DNAH8: variants seen among roughly 807,000 people sequenced by gnomAD.
The protein encoded by DNAH8 is dynein axonemal heavy chain 8, also known as axonemal beta dynein heavy chain 8.
Under a neutral mutation model 562.1 loss-of-function variants are expected in DNAH8, and 382 were observed. The ratio of observed to expected loss-of-function variants is 0.68; its 90% CI spans 0.63 to 0.74. DNAH8 has a LOEUF of 0.74. Ranked by LOEUF, DNAH8 falls within the 30% of genes least tolerant of loss-of-function variation. DNAH8 has a pLI of 0.00. For synonymous variants in DNAH8, 1,881 were observed against 1,919.4 expected (o/e 0.98, Z 0.52); for missense variants, 5,203 against 5,620.4 (o/e 0.93, Z 2.37).
Position 38,938,112 on chromosome 6 carries a change from C to G in DNAH8, c.11702C>G (p.Ala3901Gly), listed in dbSNP as rs749482996. 1.2e-6 allele frequency: 2 copies of G among 1,614,046 alleles called. No individual in the cohort carries two copies. Among genetic ancestry groups the G allele is most frequent in the Admixed American group, 3.3e-5 (2 of 60,006 alleles). ...GCGGCTCAGGAGGAGTTCCGGCCCGCAGCCACCCGCGGAAGCATCCTCTAC... is the reference window on the plus strand; with the variant it reads ...GCGGCTCAGGAGGAGTTCCGGCCCGGAGCCACCCGCGGAAGCATCCTCTAC... Reference protein sequence around the residue: ...INAAQEEFRPAATRGSILYFL... With the variant: ...INAAQEEFRPGATRGSILYFL... Residue 3901 changes from alanine to glycine, a missense_variant, in exon 78 of 93, where the codon GCA becomes GGA. Ala to Gly is a moderately conservative substitution (Grantham distance 60). Around this residue, in one of 6 missense-constraint regions of DNAH8, gnomAD observed 1,399 missense variants for 1,518.4 expected, o/e 0.92. Transcript: ENST00000327475.
At chr6:38,722,069 G>A (rs887607062) in intron 1 of DNAH8, among the ~76,000 whole-genome samples, 5 of 152,076 alleles carry the variant, frequency 3.3e-5, no homozygotes, top group African/African-American at 1.2e-4. Context: ...TAATTTCCAT[G>A]GTTATGTGCT....
chr6:39,016,608 T>C lies in DNAH8; in HGVS notation c.13714+3971T>C, dbSNP rs117524569. Among the ~76,000 whole-genome samples the C allele has an allele frequency of 0.011, 1,684 of 151,896 alleles. 107 individuals are homozygous for C. The East Asian group carries it at 0.16, about 14-fold the overall frequency. On this transcript the variant is annotated intron_variant, in intron 91 of 92. Coordinates refer to ENST00000327475, the MANE Select transcript of DNAH8 (RefSeq NM_001206927.2). The stretch of plus-strand genomic sequence containing the variant: ...TTTAAGTAAAACACAGTGCAGTTTG[T>C]ATAAAGGCTGTAGTTTCATCACAAA...
chr6:38,978,821 C>T (rs780910798), intron 85 of DNAH8, among the ~76,000 whole-genome samples: 5 of 152,140 alleles, frequency 3.3e-5, no homozygotes, highest in Non-Finnish European at 5.9e-5. Flanking sequence ...TTCCATATTT[C>T]TCTAGTAGTT....
At chr6:38,947,066 T>C (rs1217512092) in intron 80 of DNAH8, among the ~76,000 whole-genome samples, 1 of 152,210 alleles carries the variant, frequency 6.6e-6, no homozygotes, top group Non-Finnish European at 1.5e-5. Context: ...GGCAGAGTTA[T>C]TGACCCTAAT....
intron 17 of DNAH8, among the ~76,000 whole-genome samples, chr6:38,786,513 A>T (rs1161439607): frequency 6.6e-6 from 1 of 152,222 alleles, no homozygotes; most frequent in Non-Finnish European, 1.5e-5. Flanking sequence ...TTCATAGCAC[A>T]AAGCACCATT....
chr6:38,831,923 C>T (rs926330560), intron 30 of DNAH8, among the ~76,000 whole-genome samples: 7 of 151,448 alleles, frequency 4.6e-5, no homozygotes, highest in Admixed American at 1.3e-4. Flanking sequence ...TTTTTAATAC[C>T]TAGAGTAATA....
chr6:38,959,020 A>T (rs544144171), intron 82 of DNAH8, among the ~76,000 whole-genome samples: 1 of 152,214 alleles, frequency 6.6e-6, no homozygotes. Flanking sequence ...AGAATGAAGG[A>T]CAAAAACCAT....
chr6:39,013,854 AAGAGAGAGAGAGAGAGAAAGAG>A (rs1182345321), intron 91 of DNAH8, among the ~76,000 whole-genome samples: 2 of 150,790 alleles, frequency 1.3e-5, no homozygotes, highest in African/African-American at 2.4e-5. Flanking sequence ...CTATCTAAAA[AAGAGAGAGAGAGAGAGAAAGAG>A]AGAGAGAGAG....
intron 64 of DNAH8, 37 bp from the exon 65 acceptor site, chr6:38,909,481 C>A: frequency 6.3e-7 from 1 of 1,596,036 alleles, no homozygotes; most frequent in Non-Finnish European, 8.6e-7. Flanking sequence ...TATAACCCCT[C>A]TGTGTTTCTA....
chr6:38,919,100 G>A (rs1174103400), intron 70 of DNAH8, among the ~76,000 whole-genome samples: 1 of 151,494 alleles, frequency 6.6e-6, no homozygotes, highest in Non-Finnish European at 1.5e-5. Flanking sequence ...AGAAAAAAAA[G>A]AAAACACACA....
chr6:38,998,529 C>T (rs997831489), intron 88 of DNAH8, among the ~76,000 whole-genome samples: 1 of 152,064 alleles, frequency 6.6e-6, no homozygotes, highest in Admixed American at 6.5e-5. Flanking sequence ...GAAATGTATT[C>T]CCTTGAGTAT....
intron 76 of DNAH8, 22 bp downstream of exon 76, chr6:38,932,015 A>G (rs753646474): frequency 6.7e-7 from 1 of 1,484,356 alleles, no homozygotes; most frequent in Non-Finnish European, 9.0e-7. Context: ...CTCAAGGTAA[A>G]GAATTTCTGC....
chr6:39,006,003 T>A (rs1433883324), intron 88 of DNAH8, among the ~76,000 whole-genome samples: 2 of 152,246 alleles, frequency 1.3e-5, no homozygotes, highest in African/African-American at 4.8e-5. Flanking sequence ...GCAGGTGGCC[T>A]CTAGTAGCTG....
chr6:38,882,995 AAATGTTGAC>A lies in DNAH8; in HGVS notation c.7948_7956del (p.Val2650_Asn2652del). ...CGGAATATTCATCAATTTTGGTTCC[AAATGTTGAC>A]AATATTAGAACAAATTTTTTGATAG... On this transcript the variant is annotated inframe_deletion, in exon 54 of 93. Transcript: ENST00000327475. 1 of 1,606,338 alleles carries A rather than the reference AAATGTTGAC, an allele frequency of 6.2e-7. No homozygotes were observed. The highest frequency in any genetic ancestry group is 8.5e-7 in the Non-Finnish European group (1 of 1,177,442).
chr6:38,851,218 C>A (rs1047001753), intron 38 of DNAH8, among the ~76,000 whole-genome samples: 1 of 152,118 alleles, frequency 6.6e-6, no homozygotes, highest in African/African-American at 2.4e-5. Context: ...GGTTAGTTGT[C>A]CTCCCTTTCA....
rs542515000 is a variant in DNAH8, at chr6:38,911,627, G to T, written c.9859+41G>T. On this transcript the variant is annotated intron_variant, in intron 66 of 92. Coordinates refer to ENST00000327475, the MANE Select transcript of DNAH8 (RefSeq NM_001206927.2). ...TGGAATGGGATGGAATAGAAATAGG[G>T]TTTATTTGATAGGGATCTCAATATT... 1.6e-5 allele frequency: 21 copies of T among 1,331,544 alleles called. No homozygotes were observed. In the Admixed American group the frequency reaches 2.6e-4, roughly 16 times the overall value. 82.5% of individuals were successfully genotyped at this position (1,331,544 alleles called of 1,614,324 possible).
At chr6:38,871,330 T>A (rs7772367) in intron 49 of DNAH8, among the ~76,000 whole-genome samples, 38 of 152,114 alleles carry the variant, frequency 2.5e-4, no homozygotes, top group East Asian at 3.9e-4. Context: ...GGGAAAAGTC[T>A]TTTTCATCAT....
rs373922039 is a variant in DNAH8 at position 38,987,397 on chromosome 6, A to C, written c.13054-2615A>C. ...ACTTCAACCCTCTCCTAGAAACCCAAGATTCTCTGTCCTCTGGGCCTGGGA... is the reference window on the plus strand; with the variant it reads ...ACTTCAACCCTCTCCTAGAAACCCACGATTCTCTGTCCTCTGGGCCTGGGA... On this transcript the variant is annotated intron_variant, in intron 87 of 92. Transcript: ENST00000327475. Among the ~76,000 whole-genome samples, 7 of 152,098 alleles carry C rather than the reference A, an allele frequency of 4.6e-5. No homozygotes were observed. The East Asian group carries it at 5.8e-4, about 13-fold the overall frequency.
intron 82 of DNAH8, among the ~76,000 whole-genome samples, chr6:38,955,914 G>A (rs978192081): frequency 1.3e-5 from 2 of 152,172 alleles, no homozygotes; most frequent in African/African-American, 4.8e-5. Flanking sequence ...GTGCTTCCAG[G>A]TTCAAGCCTA....
Sources: allele counts gnomAD v4.1 joint callset (sites outside exome capture counted in the v4.1 genomes callset), GRCh38; gene constraint gnomAD v4.1.1; regional missense constraint gnomAD v4.1.1; transcripts MANE v1.5; gene names NCBI Gene and HGNC (gene_info 2026-07-23, HGNC 2026-07-21).